LAMA4: variants seen among roughly 807,000 people sequenced by gnomAD.
LAMA4 encodes laminin subunit alpha-4.
LAMA4 carries 127 observed loss-of-function variants against 207.1 expected under a neutral mutation model. The observed-to-expected ratio is 0.61, with a 90% CI of 0.53 to 0.71. The LOEUF is 0.71. Ranked by LOEUF, LAMA4 falls within the 30% of genes least tolerant of loss-of-function variation. LAMA4 has a pLI of 0.00. For missense variants in LAMA4, 2,093 were observed against 2,246.5 expected (o/e 0.93, Z 1.38); for synonymous variants, 761 against 816.0 (o/e 0.93, Z 1.15).
intron 3 of LAMA4, among the ~76,000 whole-genome samples, chr6:112,211,944 T>C (rs1583904460): frequency 6.6e-6 from 1 of 152,048 alleles, no homozygotes; most frequent in East Asian, 1.9e-4. Context: ...GGATGGATGA[T>C]GAGTTGTTGG....
At chr6:112,237,779 T>C (rs1315482639) in intron 2 of LAMA4, among the ~76,000 whole-genome samples, 1 of 152,218 alleles carries the variant, frequency 6.6e-6, no homozygotes, top group Non-Finnish European at 1.5e-5. Flanking sequence ...CCAGCATCTG[T>C]TCTCTCCTTT....
chr6:112,130,577 G>A (rs1363508167), intron 29 of LAMA4, among the ~76,000 whole-genome samples: 2 of 151,900 alleles, frequency 1.3e-5, no homozygotes, highest in Admixed American at 1.3e-4. Context: ...GATGAAGTTC[G>A]AGCTTTTAAA....
chr6:112,202,440 A>G (rs112041077), intron 4 of LAMA4, among the ~76,000 whole-genome samples: 53,220 of 140,360 alleles, frequency 0.38, 9,572 homozygotes, highest in African/African-American at 0.43. Context: ...TGTGGGGCAT[A>G]GGGGTGTGTG....
intron 14 of LAMA4, among the ~76,000 whole-genome samples, 171 bp downstream of exon 14, chr6:112,158,561 C>A (rs1263524938): frequency 2.6e-5 from 4 of 151,934 alleles, no homozygotes; most frequent in Non-Finnish European, 5.9e-5. Context: ...ACCAACCAAC[C>A]AACCAAGCAA....
chr6:112,244,156 A>G (rs560439700), intron 2 of LAMA4, among the ~76,000 whole-genome samples: 1 of 152,354 alleles, frequency 6.6e-6, no homozygotes, highest in African/African-American at 2.4e-5. Flanking sequence ...CTGGTTTCAC[A>G]AGGTAACAGG....
At chr6:112,225,119 C>G (rs1785141498) in intron 2 of LAMA4, among the ~76,000 whole-genome samples, 1 of 151,972 alleles carries the variant, frequency 6.6e-6, no homozygotes, top group East Asian at 1.9e-4. Context: ...ATCCCTCCCC[C>G]AATTTTATCC....
chr6:112,189,136 G>A lies in LAMA4; in HGVS notation c.788C>T (p.Pro263Leu). ...GECLEEGFEP[P>L]TGMDCPTISC... ...TATGGTTGGGCAGTCCATGCCTGTA[G>A]GGGGTTCAAAACCTTCTTCCAAGCA... is the stretch of plus-strand genomic sequence containing the variant. Residue 263 changes from proline (P) to leucine (L), a missense_variant, in exon 7 of 39, where the codon CCT becomes CTT. By Grantham distance (98) the Pro-to-Leu change is moderately conservative. This residue lies in a region of LAMA4 where 1,704 missense variants were observed against 1,788.4 expected (regional missense o/e 0.95). Coordinates refer to ENST00000230538, the MANE Select transcript of LAMA4 (RefSeq NM_001105206.3). 6.2e-7 allele frequency: 1 copy of A among 1,613,730 alleles called. No homozygotes were observed. Among genetic ancestry groups the A allele is most frequent in the Non-Finnish European group, 8.5e-7 (1 of 1,179,680 alleles).
intron 9 of LAMA4, among the ~76,000 whole-genome samples, chr6:112,180,352 G>A (rs1782284825): frequency 6.6e-6 from 1 of 152,162 alleles, no homozygotes; most frequent in Admixed American, 6.5e-5. Context: ...TATATGACTG[G>A]ATCAGTGGCA....
rs138949462 is a variant in LAMA4, at chr6:112,142,167, T to C, written c.2619A>G (p.Glu873=). ...LYMKPPVKRP[E]LTETADQFIL... is the part of the protein sequence containing the mutation. ...TAAACTGATCTGCAGTCTCGGTCAGTTCCGGCCGCTTCACAGGGGGTTTCA... is the reference window on the plus strand; with the variant it reads ...TAAACTGATCTGCAGTCTCGGTCAGCTCCGGCCGCTTCACAGGGGGTTTCA... Residue 873 remains glutamate (E), a synonymous_variant, in exon 20 of 39, where the codon GAA becomes GAG. Transcript: ENST00000230538. The C allele has an allele frequency of 1.4e-5, 22 of 1,614,148 alleles. No individual in the cohort carries two copies. In the African/African-American group the frequency reaches 2.9e-4, roughly 22 times the overall value.
At chr6:112,214,526 T>C (rs981082387) in intron 3 of LAMA4, among the ~76,000 whole-genome samples, 5 of 152,250 alleles carry the variant, frequency 3.3e-5, no homozygotes, top group African/African-American at 1.2e-4. Flanking sequence ...AAAATTATAC[T>C]AATGTATCTA....
chr6:112,186,202 T>G (rs934735263), intron 8 of LAMA4, among the ~76,000 whole-genome samples: 2 of 152,212 alleles, frequency 1.3e-5, no homozygotes, highest in African/African-American at 4.8e-5. Flanking sequence ...CATATATCAA[T>G]TCACTGAATT....
At chr6:112,187,312 C>T in intron 8 of LAMA4, 138 bp downstream of exon 8, 2 of 966,018 alleles carry the variant, frequency 2.1e-6, no homozygotes, top group South Asian at 1.4e-5. Flanking sequence ...CTTATGTTTT[C>T]TATGTTAGAC....
intron 2 of LAMA4, among the ~76,000 whole-genome samples, chr6:112,241,693 A>T (rs1158342324): frequency 6.6e-6 from 1 of 152,226 alleles, no homozygotes; most frequent in African/African-American, 2.4e-5. Flanking sequence ...GCAAGTGCTA[A>T]TCAAGTGCTT....
intron 31 of LAMA4, among the ~76,000 whole-genome samples, chr6:112,127,465 G>C (rs977578282): frequency 1.3e-5 from 2 of 151,910 alleles, no homozygotes; most frequent in Non-Finnish European, 2.9e-5. Context: ...ACCTAAGGTA[G>C]GAGTACACAT....
At chr6:112,203,271 A>G (rs1554353166) in intron 4 of LAMA4, among the ~76,000 whole-genome samples, 2 of 152,204 alleles carry the variant, frequency 1.3e-5, no homozygotes, top group South Asian at 4.1e-4. Flanking sequence ...TTAGGAACTT[A>G]GAGAAAAATA....
chr6:112,183,007 G>T (rs1782457340), intron 9 of LAMA4, among the ~76,000 whole-genome samples: 1 of 152,192 alleles, frequency 6.6e-6, no homozygotes, highest in Non-Finnish European at 1.5e-5. Context: ...GAAGGCTGGA[G>T]AATTTAGAAA....
chr6:112,129,192 G>T, intron 30 of LAMA4, 117 bp from the exon 31 acceptor site: 1 of 811,782 alleles, frequency 1.2e-6, no homozygotes, highest in South Asian at 1.6e-5. Context: ...GTGTGCATGT[G>T]TGTGTGTGTG....
rs782751918 is a variant in LAMA4, at chr6:112,114,658, C to A, written c.5206+5G>T. 9.3e-6 allele frequency: 15 copies of A among 1,605,308 alleles called. No homozygotes were observed. The highest frequency in any genetic ancestry group is 1.6e-4 in the Middle Eastern group (1 of 6,070). ...CAGGCTCCCCAGGGCAGTCAGTTTT[C>A]TCACCTGTAATTCTGTGCCATCTGC... On this transcript the variant is annotated splice_donor_5th_base_variant and intron_variant, in intron 37 of 38. Transcript: ENST00000230538.
In LAMA4 at chr6:112,108,270, G is replaced by GATA. The variant is rs1171671783; in HGVS notation, c.*1164_*1166dup. ...TCTGTCTTCTGAGTTGAGGTTTTTA[G>GATA]ATATAATTCTTTTATTTCATTTCTA... On this transcript the variant is annotated 3_prime_UTR_variant, in exon 39 of 39. Coordinates refer to ENST00000230538, the MANE Select transcript of LAMA4 (RefSeq NM_001105206.3). Among the ~76,000 whole-genome samples, 2 of 152,036 alleles carry GATA rather than the reference G, an allele frequency of 1.3e-5. No homozygotes were observed. Among genetic ancestry groups the GATA allele is most frequent in the African/African-American group, 4.8e-5 (2 of 41,460 alleles).
Sources: gnomAD v4.1 joint callset for allele counts (sites outside exome capture counted in the v4.1 genomes callset) on GRCh38, gnomAD v4.1.1 for gene constraint, gnomAD v4.1.1 regional missense constraint, MANE v1.5 for transcripts, NCBI Gene and HGNC (gene_info 2026-07-23, HGNC 2026-07-21) for gene names.